The following BAZ2B variants were observed in gnomAD, a reference collection of about 807,000 sequenced individuals.
The protein encoded by BAZ2B is bromodomain adjacent to zinc finger domain protein 2B.
A neutral mutation model predicts 246.0 loss-of-function variants in BAZ2B; 91 were observed. The ratio of observed to expected loss-of-function variants is 0.37; its 90% CI spans 0.31 to 0.44. The LOEUF is 0.44. Ranked by LOEUF, BAZ2B falls within the 20% of genes least tolerant of loss-of-function variation. The pLI, the probability that BAZ2B is intolerant of heterozygous loss-of-function variation, is 1.00. For synonymous variants in BAZ2B, 855 were observed against 860.0 expected (o/e 0.99, Z 0.10); for missense variants, 2,332 against 2,533.7 (o/e 0.92, Z 1.71).
intron 27 of BAZ2B, among the ~76,000 whole-genome samples, chr2:159,356,094 T>C (rs2059080824): frequency 1.3e-5 from 2 of 151,190 alleles, no homozygotes; most frequent in African/African-American, 4.9e-5. Flanking sequence ...GCTGCAAGAG[T>C]TTTTTTTCAT....
chr2:159,628,880 G>A, the BAZ2B span, among the ~76,000 whole-genome samples: 2 of 152,128 alleles, frequency 1.3e-5, no homozygotes, highest in Admixed American at 6.5e-5. Flanking sequence ...GAGTGAACAG[G>A]AAACCTACAG....
intron 2 of BAZ2B, among the ~76,000 whole-genome samples, chr2:159,554,803 A>G (rs1056072773): frequency 6.6e-6 from 1 of 152,146 alleles, no homozygotes; most frequent in African/African-American, 2.4e-5. Flanking sequence ...ATTGTAATTC[A>G]GATTTTATCA....
chr2:159,414,993 A>G (rs765880100), intron 13 of BAZ2B, among the ~76,000 whole-genome samples: 6 of 152,156 alleles, frequency 3.9e-5, no homozygotes, highest in Non-Finnish European at 8.8e-5. Flanking sequence ...TTTGGAAGGG[A>G]GAAGTAGATG....
chr2:159,536,974 T>C (rs1050424739), intron 2 of BAZ2B, among the ~76,000 whole-genome samples: 2 of 152,186 alleles, frequency 1.3e-5, no homozygotes, highest in African/African-American at 2.4e-5. Context: ...AATGTCGATA[T>C]CACGATAGTG....
At chr2:159,556,751 C>A (rs889918705) in intron 1 of BAZ2B, among the ~76,000 whole-genome samples, 1 of 152,032 alleles carries the variant, frequency 6.6e-6, no homozygotes, top group East Asian at 1.9e-4. Flanking sequence ...CATGAGCCAC[C>A]GGACCTAGCC....
chr2:159,477,441 T>C (rs563610596), intron 3 of BAZ2B, among the ~76,000 whole-genome samples: 1 of 152,166 alleles, frequency 6.6e-6, no homozygotes, highest in African/African-American at 2.4e-5. Flanking sequence ...TTGATCATAA[T>C]ATAATGACAG....
chr2:159,531,313 TA>T (rs2085354065), intron 2 of BAZ2B, among the ~76,000 whole-genome samples: 1 of 152,092 alleles, frequency 6.6e-6, no homozygotes, highest in South Asian at 2.1e-4. Context: ...TCTGTGATTC[TA>T]AAAAAAATTT....
chr2:159,416,023 A>G (rs1351063185), intron 13 of BAZ2B, among the ~76,000 whole-genome samples: 1 of 152,188 alleles, frequency 6.6e-6, no homozygotes, highest in Non-Finnish European at 1.5e-5. Context: ...GTCTCACTCT[A>G]AAACCTGTGC....
intron 1 of BAZ2B, among the ~76,000 whole-genome samples, chr2:159,561,421 C>G (rs2089855541): frequency 6.6e-6 from 1 of 152,216 alleles, no homozygotes; most frequent in Non-Finnish European, 1.5e-5. Flanking sequence ...CACCATGCCT[C>G]TTGTACAGCC....
chr2:159,454,111 A>AAT (rs970353379), intron 3 of BAZ2B, among the ~76,000 whole-genome samples: 3 of 152,088 alleles, frequency 2.0e-5, no homozygotes, highest in Admixed American at 6.6e-5. Context: ...ATTTTCTGTT[A>AAT]ATATATATAC....
At chr2:159,362,632 T>C (rs1368141385) in intron 27 of BAZ2B, among the ~76,000 whole-genome samples, 2 of 152,158 alleles carry the variant, frequency 1.3e-5, no homozygotes, top group South Asian at 2.1e-4. Context: ...AAAGTCCCGA[T>C]GTCATGGCTT....
the BAZ2B span, among the ~76,000 whole-genome samples, chr2:159,641,920 T>G: frequency 2.0e-5 from 3 of 152,192 alleles, no homozygotes; most frequent in African/African-American, 7.2e-5. Context: ...GTTTGCACAT[T>G]TAGGTACATA....
At chr2:159,589,797 C>T (rs1379623308) in intron 1 of BAZ2B, among the ~76,000 whole-genome samples, 1 of 152,116 alleles carries the variant, frequency 6.6e-6, no homozygotes. Flanking sequence ...ATTGGAAACA[C>T]AAAATAGTTC....
In BAZ2B at chr2:159,349,253, G is replaced by T; in HGVS notation, c.4891C>A (p.Leu1631Ile). 6.2e-7 allele frequency: 1 copy of T among 1,612,914 alleles called. No homozygotes were observed. Among genetic ancestry groups the T allele is most frequent in the Non-Finnish European group, 8.5e-7 (1 of 1,179,190 alleles). ...QVKGGVSMMG[L>I]QFCGWPTGVV... is the part of the protein sequence containing the mutation. ...CCAGTGGGCCATCCACAAAACTGAA[G>T]TCCCATCATAGATACTCCACCTTTC... Residue 1631 changes from leucine (L) to isoleucine (I), a missense_variant, in exon 29 of 37, where the codon CTT becomes ATT. Transcript: ENST00000392783.
chr2:159,372,018 C>T (rs1461768684), intron 27 of BAZ2B, among the ~76,000 whole-genome samples: 1 of 152,152 alleles, frequency 6.6e-6, no homozygotes, highest in Non-Finnish European at 1.5e-5. Flanking sequence ...TGAGATTCTG[C>T]ATAACATTTT....
intron 27 of BAZ2B, among the ~76,000 whole-genome samples, chr2:159,367,736 A>G (rs1306314020): frequency 2.0e-5 from 3 of 151,978 alleles, no homozygotes; most frequent in Admixed American, 6.6e-5. Flanking sequence ...AAATACAAAA[A>G]AATTAGCCAG....
chr2:159,462,936 T>A, intron 3 of BAZ2B: 1 of 1,348,822 alleles, frequency 7.4e-7, no homozygotes, highest in Non-Finnish European at 1.1e-6. Context: ...TGGCTGGGGG[T>A]CACTTGCTTT....
At chr2:159,510,759 T>C (rs2082835303) in intron 2 of BAZ2B, among the ~76,000 whole-genome samples, 2 of 152,232 alleles carry the variant, frequency 1.3e-5, no homozygotes, top group Non-Finnish European at 2.9e-5. Context: ...TTGAAGTCCT[T>C]CTTCAGTGCT....
intron 36 of BAZ2B, among the ~76,000 whole-genome samples, chr2:159,321,621 T>C (rs2062727164): frequency 6.6e-6 from 1 of 152,178 alleles, no homozygotes; most frequent in Non-Finnish European, 1.5e-5. Context: ...TGGATCAAAC[T>C]GGAGGTCATT....
Sources: gnomAD v4.1 joint callset for allele counts (sites outside exome capture counted in the v4.1 genomes callset) on GRCh38, gnomAD v4.1.1 for gene constraint, MANE v1.5 for transcripts, NCBI Gene and HGNC (gene_info 2026-07-23, HGNC 2026-07-21) for gene names.